Variants in DSEL observed in about 807,000 individuals in gnomAD.
DSEL encodes the protein dermatan sulfate epimerase like, also known as dermatan-sulfate epimerase-like protein.
Under a neutral mutation model 96.6 loss-of-function variants are expected in DSEL, and 61 were observed. The observed-to-expected ratio is 0.63, with a 90% CI of 0.51 to 0.78. The LOEUF is 0.78. Among genes scored for constraint, DSEL ranks in the 30% least tolerant of loss-of-function variants. DSEL has a pLI of 0.00. For missense variants in DSEL, 1,320 were observed against 1,430.8 expected, an observed-to-expected ratio of 0.92 and a Z score of 1.25; for synonymous variants, 514 against 502.0, an observed-to-expected ratio of 1.02 and a Z score of -0.32.
At position 67,513,397 on chromosome 18, in the gene DSEL, A is replaced by G. The variant is rs757213600; in HGVS notation, c.1212T>C (p.Tyr404=). The G allele has an allele frequency of 2.8e-5, 45 of 1,614,082 alleles. No homozygotes were observed. Among genetic ancestry groups the G allele is most frequent in the Non-Finnish European group, 3.8e-5 (45 of 1,180,046 alleles). Reference sequence around the variant, plus strand: ...GGAATGTGTGTATTTTTGCAGTACCATAATCAGCAGGTGGCTGTGGTGTGA... The same window carrying G: ...GGAATGTGTGTATTTTTGCAGTACCGTAATCAGCAGGTGGCTGTGGTGTGA... ...PQLTPQPPAD[Y]GTAKIHTFPN... Residue 404 remains tyrosine (Y), a synonymous_variant, in exon 2 of 2, where the codon TAT becomes TAC. Coordinates refer to ENST00000310045, the MANE Select transcript of DSEL (RefSeq NM_032160.3).
chr18:67,514,330 T>C lies in DSEL; in HGVS notation c.279A>G (p.Ala93=), dbSNP rs751291992. ...HLHLFRAIRS[A]VTVMLSNPTY... ...TTGGGTTGGACAGCATAACTGTCAC[T>C]GCACTTCTGATAGCTCTAAAAAGAT... is the stretch of plus-strand genomic sequence containing the variant. Residue 93 remains alanine (A), a synonymous_variant, in exon 2 of 2, where the codon GCA becomes GCG. Transcript: ENST00000310045. The C allele has an allele frequency of 6.2e-7, 1 of 1,614,260 alleles. No homozygotes were observed. Among genetic ancestry groups the C allele is most frequent in the South Asian group, 1.1e-5 (1 of 91,086 alleles).
Position 67,510,464 on chromosome 18 carries a change from A to G in DSEL, c.*506T>C, listed in dbSNP as rs948230869. 2.6e-5 allele frequency: 4 copies of G among 153,166 alleles called. No individual in the cohort carries two copies. Among genetic ancestry groups the G allele is most frequent in the Non-Finnish European group, 5.8e-5 (4 of 68,442 alleles). 9.5% of individuals were successfully genotyped at this position (153,166 alleles called of 1,614,324 possible). ...CATTTCCTCAGTGATATCACTGAAC[A>G]TTAAACACAGTAAAAGAAATTTTCT... is the stretch of plus-strand genomic sequence containing the variant. On this transcript the variant is annotated 3_prime_UTR_variant, in exon 2 of 2. Transcript: ENST00000310045.
rs1056932022 is a variant in DSEL, at chr18:67,511,367, T to C, written c.3242A>G (p.Tyr1081Cys). The part of the protein sequence containing the change: ...CNLNSGYAFE[Y>C]EPLRKELSKS... ...TGATAATTCTTTCCTCAATGGTTCA[T>C]ACTCGAAAGCATAACCCGAATTTAA... Residue 1081 changes from tyrosine to cysteine, a missense_variant, in exon 2 of 2, where the codon TAT (tyrosine) becomes TGT (cysteine). Tyr to Cys is a radical substitution (Grantham distance 194). Coordinates refer to ENST00000310045, the MANE Select transcript of DSEL (RefSeq NM_032160.3). The C allele has an allele frequency of 3.1e-6, 5 of 1,603,392 alleles. No individual in the cohort carries two copies. The highest frequency in any genetic ancestry group is 3.4e-6 in the Non-Finnish European group (4 of 1,179,972).
At position 67,513,303 on chromosome 18, in the gene DSEL, TAA is replaced by T; in HGVS notation, c.1304_1305del (p.Phe435Ter). On this transcript the variant is annotated frameshift_variant, in exon 2 of 2. Coordinates refer to ENST00000310045, the MANE Select transcript of DSEL (RefSeq NM_032160.3). LOFTEE classifies it high-confidence loss of function. ...PNTQTNTFVS[F>X]KSGKLGGRAV... ...GCTCGTCCCCCCAGCTTCCCAGATT[TAA>T]AAGACACAAAGGTGTTGGTCTGTGT... 1 of 1,614,184 alleles carries T rather than the reference TAA, an allele frequency of 6.2e-7. No individual in the cohort carries two copies. Among genetic ancestry groups the T allele is most frequent in the Non-Finnish European group, 8.5e-7 (1 of 1,180,034 alleles).
Position 67,514,679 on chromosome 18 carries a change from A to C in DSEL, c.-71T>G. ...TGCTCAATGTGTTTCCCATCTGGTTAGTATAAAACATACAGTAAAGGCCTT... is the reference window on the plus strand; with the variant it reads ...TGCTCAATGTGTTTCCCATCTGGTTCGTATAAAACATACAGTAAAGGCCTT... On this transcript the variant is annotated 5_prime_UTR_variant, in exon 2 of 2. Coordinates refer to ENST00000310045, the MANE Select transcript of DSEL (RefSeq NM_032160.3). 1.7e-5 allele frequency: 26 copies of C among 1,524,294 alleles called. No individual in the cohort carries two copies. The highest frequency in any genetic ancestry group is 2.3e-5 in the Non-Finnish European group (26 of 1,122,050). 94.4% of individuals were successfully genotyped at this position (1,524,294 alleles called of 1,614,324 possible). A position where few individuals can be genotyped will look rare whatever the true frequency, so the allele number is the denominator to read the frequency against.
Position 67,511,090 on chromosome 18 carries a change from T to C in DSEL, c.3519A>G (p.Glu1173=), listed in dbSNP as rs1255125039. 6.2e-7 allele frequency: 1 copy of C among 1,614,032 alleles called. No individual in the cohort carries two copies. The highest frequency in any genetic ancestry group is 8.5e-7 in the Non-Finnish European group (1 of 1,180,006). ...TNLFYLPYEG[E]ISPTNTNVWK... is the part of the protein sequence containing the mutation. ...AAACATTAGTATTAGTTGGTGATAT[T>C]TCCCCTTCATAGGGAAGGTAAAAAA... Residue 1173 remains glutamate (E), a synonymous_variant, in exon 2 of 2, where the codon GAA becomes GAG. Coordinates refer to ENST00000310045, the MANE Select transcript of DSEL (RefSeq NM_032160.3).
chr18:67,516,445 C>A lies in DSEL; in HGVS notation c.-969G>T, dbSNP rs1235643705. On this transcript the variant is annotated 5_prime_UTR_variant, in exon 1 of 2. Coordinates refer to ENST00000310045, the MANE Select transcript of DSEL (RefSeq NM_032160.3). This position sits in a 1 kb window ranked among gnomAD's most constrained non-coding sequence, Gnocchi z 5.6. ...GAGAGTTCCAGAAAACTGCTCTGCA[C>A]GGCGGGCCAGGCTCCCGCGGGGCTC... The A allele has an allele frequency of 6.6e-6, 1 of 152,420 alleles. No homozygotes were observed. Among genetic ancestry groups the A allele is most frequent in the African/African-American group, 2.4e-5 (1 of 41,456 alleles). 9.4% of individuals were successfully genotyped at this position (152,420 alleles called of 1,614,324 possible).
At position 67,512,500 on chromosome 18, in the gene DSEL, C is replaced by T; in HGVS notation, c.2109G>A (p.Gln703=). The T allele has an allele frequency of 6.2e-7, 1 of 1,614,024 alleles. No homozygotes were observed. The highest frequency in any genetic ancestry group is 1.3e-5 in the African/African-American group (1 of 75,044). Residue 703 remains glutamine (Q), a synonymous_variant, in exon 2 of 2, where the codon CAG becomes CAA. Transcript: ENST00000310045. ...RFIDSSNPGL[Q]ISLNVNNTEH... is the part of the protein sequence containing the mutation. ...CAGTATTATTGACATTGAGAGAAAT[C>T]TGAAGTCCAGGATTGGAACTATCAA...
At position 67,514,747 on chromosome 18, in the gene DSEL, C is replaced by T; in HGVS notation, c.-139G>A. On this transcript the variant is annotated 5_prime_UTR_variant, in exon 2 of 2. Coordinates refer to ENST00000310045, the MANE Select transcript of DSEL (RefSeq NM_032160.3). ...AAATCTGATATGCTGTGAAATCCAG[C>T]TGACATTCAGTACATTTTAAGCAAG... 1.0e-6 allele frequency: 1 copy of T among 991,472 alleles called. No homozygotes were observed. Among genetic ancestry groups the T allele is most frequent in the South Asian group, 1.8e-5 (1 of 56,886 alleles). The allele number at this position is 991,472 out of a possible 1,614,324, so 61.4% of individuals were successfully genotyped here.
Position 67,512,981 on chromosome 18 carries a change from G to C in DSEL, c.1628C>G (p.Ala543Gly). The C allele has an allele frequency of 6.2e-7, 1 of 1,614,158 alleles. No homozygotes were observed. Among genetic ancestry groups the C allele is most frequent in the South Asian group, 1.1e-5 (1 of 91,082 alleles). ...AAATACCATTTCCCCATGTTGAGAG[G>C]CAGTGATTATTTCCCCAGCTGCATC... ...VGDAAGEIIT[A>G]SQHGEMVFVS... Residue 543 changes from alanine (A) to glycine (G), a missense_variant, in exon 2 of 2, where the codon GCC (alanine) becomes GGC (glycine). Ala to Gly is a moderately conservative substitution (Grantham distance 60). Coordinates refer to ENST00000310045, the MANE Select transcript of DSEL (RefSeq NM_032160.3).
At position 67,513,288 on chromosome 18, in the gene DSEL, C is replaced by G; in HGVS notation, c.1321G>C (p.Gly441Arg). Residue 441 changes from glycine (G) to arginine (R), a missense_variant, in exon 2 of 2, where the codon GGG (glycine) becomes CGG (arginine). By Grantham distance (125) the Gly-to-Arg change is moderately radical. Coordinates refer to ENST00000310045, the MANE Select transcript of DSEL (RefSeq NM_032160.3). ...ACTATGTCATACACAGCTCGTCCCCCCAGCTTCCCAGATTTAAAAGACACA... is the reference window on the plus strand; with the variant it reads ...ACTATGTCATACACAGCTCGTCCCCGCAGCTTCCCAGATTTAAAAGACACA... Reference protein sequence around the residue: ...TFVSFKSGKLGGRAVYDIVHF... With the variant: ...TFVSFKSGKLRGRAVYDIVHF... The G allele has an allele frequency of 6.2e-7, 1 of 1,614,190 alleles. No homozygotes were observed. The highest frequency in any genetic ancestry group is 8.5e-7 in the Non-Finnish European group (1 of 1,180,032).
chr18:67,513,804 C>A lies in DSEL; in HGVS notation c.805G>T (p.Val269Phe), dbSNP rs1442144604. 1 of 1,614,054 alleles carries A rather than the reference C, an allele frequency of 6.2e-7. No individual in the cohort carries two copies. The highest frequency in any genetic ancestry group is 8.5e-7 in the Non-Finnish European group (1 of 1,180,044). ...EKTMFLLNHI[V>F]DGSLDEGVAY... ...ACACCTTCATCCAAAGAACCATCAA[C>A]AATATGATTCAATAGAAACATTGTC... Residue 269 changes from valine to phenylalanine, a missense_variant, in exon 2 of 2, where the codon GTT (valine) becomes TTT (phenylalanine). Around this residue, in one of 3 missense-constraint regions of DSEL, gnomAD observed 323 missense variants for 333.1 expected, o/e 0.97. Coordinates refer to ENST00000310045, the MANE Select transcript of DSEL (RefSeq NM_032160.3).
chr18:67,507,219 C>A lies in DSEL; in HGVS notation c.*3751G>T, dbSNP rs1345431018. 1 of 151,550 alleles carries A rather than the reference C, an allele frequency of 6.6e-6. No individual in the cohort carries two copies. The highest frequency in any genetic ancestry group is 6.6e-5 in the Admixed American group (1 of 15,220). 9.4% of individuals were successfully genotyped at this position (151,550 alleles called of 1,614,324 possible). A position where few individuals can be genotyped will look rare whatever the true frequency, so the allele number is the denominator to read the frequency against. ...AAAATGAGCCAAGCATGGTGGCGTG[C>A]ACCTGTAATCCCAGCTATTCAGGAG... On this transcript the variant is annotated 3_prime_UTR_variant, in exon 2 of 2. Transcript: ENST00000310045.
Position 67,514,313 on chromosome 18 carries a change from G to T in DSEL, c.296C>A (p.Ser99Tyr). Residue 99 changes from serine to tyrosine, a missense_variant, in exon 2 of 2, where the codon TCC (serine) becomes TAC (tyrosine). Physicochemically the swap from Ser to Tyr is moderately radical, Grantham distance 144. This residue lies in a region of DSEL where 323 missense variants were observed against 333.1 expected (regional missense o/e 0.97). Coordinates refer to ENST00000310045, the MANE Select transcript of DSEL (RefSeq NM_032160.3). ...TGGAGGTAGGTAGTATGTTGGGTTG[G>T]ACAGCATAACTGTCACTGCACTTCT... ...AIRSAVTVMLSNPTYYLPPPK... is the reference protein window; with the variant it reads ...AIRSAVTVMLYNPTYYLPPPK... 1 of 1,614,198 alleles carries T rather than the reference G, an allele frequency of 6.2e-7. No individual in the cohort carries two copies. Among genetic ancestry groups the T allele is most frequent in the Non-Finnish European group, 8.5e-7 (1 of 1,180,024 alleles).
At position 67,506,950 on chromosome 18, in the gene DSEL, C is replaced by T. The variant is rs549901414; in HGVS notation, c.*4020G>A. On this transcript the variant is annotated 3_prime_UTR_variant, in exon 2 of 2. Transcript: ENST00000310045. ...AAAATGATATGGATAATTTTTCTTC[C>T]GAAATGAAGTGAAATCATGATTAAT... is the stretch of plus-strand genomic sequence containing the variant. 3.2e-4 allele frequency: 49 copies of T among 152,122 alleles called. No homozygotes were observed. The highest frequency in any genetic ancestry group is 1.0e-3 in the African/African-American group (42 of 41,502). 9.4% of individuals were successfully genotyped at this position (152,122 alleles called of 1,614,324 possible).
chr18:67,514,498 AT>A lies in DSEL; in HGVS notation c.110del (p.Asp37ValfsTer3), dbSNP rs767658529. ...TCTGTGTTTTAAACTGATCTATATC[AT>A]CTGTGAAAACTGCCCATTCGGAATA... is the stretch of plus-strand genomic sequence containing the variant. ...SNYSEWAVFT[D>X]DIDQFKTQKV... On this transcript the variant is annotated frameshift_variant, in exon 2 of 2. Coordinates refer to ENST00000310045, the MANE Select transcript of DSEL (RefSeq NM_032160.3). LOFTEE classifies it high-confidence loss of function. 2 of 1,614,206 alleles carry A rather than the reference AT, an allele frequency of 1.2e-6. No individual in the cohort carries two copies. The highest frequency in any genetic ancestry group is 1.7e-6 in the Non-Finnish European group (2 of 1,180,036).
rs1568245206 is a variant in DSEL at position 67,512,770 on chromosome 18, T to C, written c.1839A>G (p.Pro613=). 6.2e-7 allele frequency: 1 copy of C among 1,613,942 alleles called. No individual in the cohort carries two copies. The highest frequency in any genetic ancestry group is 2.2e-5 in the East Asian group (1 of 44,886). ...HNLDIDFKYI[P]YKFMNRYNGA... ...CATTATACCTATTCATAAACTTATA[T>C]GGGATATATTTAAAATCAATATCCA... Residue 613 remains proline (P), a synonymous_variant, in exon 2 of 2, where the codon CCA becomes CCG. Transcript: ENST00000310045.
Position 67,512,561 on chromosome 18 carries a change from TAA to T in DSEL, c.2046_2047del (p.Phe682LeufsTer14). 6.2e-7 allele frequency: 1 copy of T among 1,614,192 alleles called. No individual in the cohort carries two copies. Among genetic ancestry groups the T allele is most frequent in the South Asian group, 1.1e-5 (1 of 91,082 alleles). ...GCTGGAGACATTGATATATGGCCCA[TAA>T]AAGACATATGCAATTCTTGTGATTG... On this transcript the variant is annotated frameshift_variant, in exon 2 of 2. Transcript: ENST00000310045. LOFTEE classifies it high-confidence loss of function.
rs199855723 is a variant in DSEL at position 67,511,652 on chromosome 18, C to T, written c.2957G>A (p.Arg986Lys). 6.8e-6 allele frequency: 11 copies of T among 1,613,996 alleles called. No individual in the cohort carries two copies. Among genetic ancestry groups the T allele is most frequent in the African/African-American group, 1.3e-5 (1 of 74,896 alleles). The part of the protein sequence containing the change: ...GAFDRDAEYI[R>K]ALRRHLVYYP... Reference sequence around the variant, plus strand: ...GTAAACCAGGTGTCTCCTCAAAGCCCTAATATATTCAGCATCTCTATCAAA... The same window carrying T: ...GTAAACCAGGTGTCTCCTCAAAGCCTTAATATATTCAGCATCTCTATCAAA... The change falls in exon 2 of 2, where the codon AGG becomes AAG. Residue 986 changes from arginine (R) to lysine (K), a missense_variant. Physicochemically the swap from Arg to Lys is conservative, Grantham distance 26. Around this residue, in one of 3 missense-constraint regions of DSEL, gnomAD observed 986 missense variants for 1,066.4 expected, o/e 0.92. Coordinates refer to ENST00000310045, the MANE Select transcript of DSEL (RefSeq NM_032160.3).
Sources: allele counts gnomAD v4.1 joint callset, GRCh38; gene constraint gnomAD v4.1.1; regional missense constraint gnomAD v4.1.1; non-coding constraint Gnocchi (gnomAD v3.1); transcripts MANE v1.5; gene names NCBI Gene and HGNC (gene_info 2026-07-23, HGNC 2026-07-21).